LHFPL6: variants seen among roughly 807,000 people sequenced by gnomAD.
LHFPL6 encodes the protein LHFPL tetraspan subfamily member 6 protein.
In LHFPL6, 9 loss-of-function variants were observed where a neutral mutation model predicts 20.6. The ratio of observed to expected loss-of-function variants is 0.44; its 90% CI spans 0.26 to 0.76. The LOEUF (loss-of-function observed/expected upper bound fraction) is 0.76. LHFPL6 is among the 30% of genes least tolerant of loss of function. The probability of loss-of-function intolerance (pLI) is 0.20; values close to 1 mark genes in which losing one functional copy is unlikely to be tolerated. For synonymous variants in LHFPL6, 105 were observed against 98.7 expected (o/e 1.06, Z -0.38); for missense variants, 218 against 253.5 (o/e 0.86, Z 0.95).
chr13:39,343,650 T>C lies in LHFPL6; in HGVS notation c.*286A>G, dbSNP rs941645361. The C allele has an allele frequency of 2.7e-5, 8 of 299,532 alleles. No homozygotes were observed. In the Admixed American group the frequency reaches 4.3e-4, roughly 16 times the overall value. 18.6% of individuals were successfully genotyped at this position (299,532 alleles called of 1,614,324 possible). A position where few individuals can be genotyped will look rare whatever the true frequency, so the allele number is the denominator to read the frequency against. ...GTGTGTGTGTGTGTGTGTGTGTGTG[T>C]TGTACATTAACAATACTCTGTGGAA... On this transcript the variant is annotated 3_prime_UTR_variant, in exon 4 of 4. Coordinates refer to ENST00000379589, the MANE Select transcript of LHFPL6 (RefSeq NM_005780.3).
At chr13:39,493,260 G>C (rs1868989014) in intron 2 of LHFPL6, among the ~76,000 whole-genome samples, 1 of 149,104 alleles carries the variant, frequency 6.7e-6, no homozygotes, top group South Asian at 2.1e-4. Context: ...CCTGAAGTCA[G>C]GAGTTTGAGA....
At chr13:39,510,631 C>T (rs1226475500) in intron 2 of LHFPL6, among the ~76,000 whole-genome samples, 1 of 151,908 alleles carries the variant, frequency 6.6e-6, no homozygotes, top group African/African-American at 2.4e-5. Flanking sequence ...CAGAACACAT[C>T]TTTCTAGAAA....
intron 2 of LHFPL6, among the ~76,000 whole-genome samples, chr13:39,595,162 C>A (rs1453708816): frequency 1.3e-5 from 2 of 151,988 alleles, no homozygotes; most frequent in East Asian, 3.9e-4. Flanking sequence ...TTATTAGATA[C>A]AAACATATAA....
At chr13:39,466,835 G>C (rs1872816705) in intron 2 of LHFPL6, among the ~76,000 whole-genome samples, 1 of 152,146 alleles carries the variant, frequency 6.6e-6, no homozygotes, top group South Asian at 2.1e-4. Context: ...AATTACATTT[G>C]TTTTTCTGAT....
At chr13:39,582,797 A>C (rs1245230238) in intron 2 of LHFPL6, among the ~76,000 whole-genome samples, 2 of 152,194 alleles carry the variant, frequency 1.3e-5, no homozygotes, top group African/African-American at 4.8e-5. Flanking sequence ...ACAATTCCAC[A>C]CACCAGATTT....
At chr13:39,465,634 C>T (rs900365943) in intron 2 of LHFPL6, among the ~76,000 whole-genome samples, 2 of 152,038 alleles carry the variant, frequency 1.3e-5, no homozygotes, top group Non-Finnish European at 2.9e-5. Context: ...AAAAGGCAAA[C>T]TGGAAAATGA....
chr13:39,397,753 C>A (rs1156306929), intron 2 of LHFPL6, among the ~76,000 whole-genome samples: 1 of 152,170 alleles, frequency 6.6e-6, no homozygotes, highest in Non-Finnish European at 1.5e-5. Context: ...TGGAAAGAAA[C>A]TTGTTCCGGG....
intron 2 of LHFPL6, among the ~76,000 whole-genome samples, chr13:39,548,904 G>A (rs193158550): frequency 6.6e-5 from 10 of 152,144 alleles, no homozygotes; most frequent in African/African-American, 2.4e-4. Context: ...GGTAAATATT[G>A]ATAACTTAGA....
intron 2 of LHFPL6, among the ~76,000 whole-genome samples, chr13:39,554,421 C>T (rs1357277951): frequency 6.6e-6 from 1 of 151,958 alleles, no homozygotes; most frequent in East Asian, 1.9e-4. Flanking sequence ...CAGGACATAT[C>T]ATCCCATAAA....
chr13:39,553,214 T>G (rs1871194400), intron 2 of LHFPL6, among the ~76,000 whole-genome samples: 1 of 152,218 alleles, frequency 6.6e-6, no homozygotes, highest in Non-Finnish European at 1.5e-5. Context: ...TTAGAAATTA[T>G]TTTGATAATC....
chr13:39,534,098 G>A (rs866166992), intron 2 of LHFPL6, among the ~76,000 whole-genome samples: 2 of 152,142 alleles, frequency 1.3e-5, no homozygotes, highest in Non-Finnish European at 2.9e-5. Context: ...GTTTTTCAAT[G>A]ATGACAAGTA....
chr13:39,411,362 G>C (rs1234010852), intron 2 of LHFPL6, among the ~76,000 whole-genome samples: 1 of 152,174 alleles, frequency 6.6e-6, no homozygotes, highest in Non-Finnish European at 1.5e-5. Flanking sequence ...AGAATCTAAA[G>C]ACATTCTTCC....
At chr13:39,594,181 T>C (rs373624369) in intron 2 of LHFPL6, among the ~76,000 whole-genome samples, 8 of 152,040 alleles carry the variant, frequency 5.3e-5, no homozygotes, top group East Asian at 1.9e-4. Context: ...GAACAGGCAA[T>C]CTACAAAATG....
intron 2 of LHFPL6, among the ~76,000 whole-genome samples, chr13:39,570,417 T>C (rs1871877702): frequency 6.6e-6 from 1 of 152,172 alleles, no homozygotes; most frequent in African/African-American, 2.4e-5. Context: ...GTGCTGAGAT[T>C]ACAGGCATAA....
chr13:39,443,186 G>T (rs1181028819), intron 2 of LHFPL6, among the ~76,000 whole-genome samples: 1 of 152,104 alleles, frequency 6.6e-6, no homozygotes, highest in Non-Finnish European at 1.5e-5. Context: ...GCAGGAGTTG[G>T]TTCATGAGAA....
chr13:39,602,939 G>C lies in LHFPL6; in HGVS notation c.-231C>G, dbSNP rs2138560284. 6.6e-6 allele frequency: 1 copy of C among 152,522 alleles called. No individual in the cohort carries two copies. The highest frequency in any genetic ancestry group is 1.5e-5 in the Non-Finnish European group (1 of 68,300). 9.4% of individuals were successfully genotyped at this position (152,522 alleles called of 1,614,324 possible). ...CGCGTCCCGGGCGCACACACAACTT[G>C]CTGTCTTTCTCGGGCGGGAACATCC... is the stretch of plus-strand genomic sequence containing the variant. On this transcript the variant is annotated 5_prime_UTR_variant, in exon 1 of 4. Transcript: ENST00000379589.
intron 3 of LHFPL6, among the ~76,000 whole-genome samples, chr13:39,349,455 G>A (rs569158917): frequency 1.3e-4 from 19 of 151,768 alleles, no homozygotes; most frequent in African/African-American, 4.1e-4. Context: ...TCCTTTCCTC[G>A]CTCCCTCTCT....
intron 3 of LHFPL6, among the ~76,000 whole-genome samples, chr13:39,355,234 T>C (rs1869692969): frequency 1.3e-5 from 2 of 151,890 alleles, no homozygotes; most frequent in Non-Finnish European, 2.9e-5. Flanking sequence ...ATTAGGGGCC[T>C]ATTTTCAGTA....
At chr13:39,488,743 A>T (rs1248328810) in intron 2 of LHFPL6, among the ~76,000 whole-genome samples, 1 of 152,236 alleles carries the variant, frequency 6.6e-6, no homozygotes, top group East Asian at 1.9e-4. Flanking sequence ...AGCAAAGTAC[A>T]TCGCTCTTCA....
Sources: gnomAD v4.1 joint callset for allele counts (sites outside exome capture counted in the v4.1 genomes callset) on GRCh38, gnomAD v4.1.1 for gene constraint, MANE v1.5 for transcripts, NCBI Gene and HGNC (gene_info 2026-07-23, HGNC 2026-07-21) for gene names.